Variants in KCNN2 observed in about 807,000 individuals in gnomAD.
KCNN2 encodes potassium calcium-activated channel subfamily N member 2, also known as small conductance calcium-activated potassium channel protein 2.
Under a neutral mutation model 55.5 loss-of-function variants are expected in KCNN2, and 24 were observed. That is an observed-to-expected ratio of 0.43 (90% CI 0.31 to 0.61). The LOEUF is 0.61. Among genes scored for constraint, KCNN2 ranks in the 20% least tolerant of loss-of-function variants. The probability of loss-of-function intolerance (pLI) is 0.08; values close to 1 mark genes in which losing one functional copy is unlikely to be tolerated. For missense variants in KCNN2, 754 were observed against 853.6 expected (o/e 0.88, Z 1.45); for synonymous variants, 431 against 336.1 (o/e 1.28, Z -3.09).
At chr5:114,437,527 C>G (rs1760051371) in intron 3 of KCNN2, among the ~76,000 whole-genome samples, 1 of 152,008 alleles carries the variant, frequency 6.6e-6, no homozygotes, top group African/African-American at 2.4e-5. Context: ...CTGTTTATTC[C>G]TTCAAAACAG....
intron 1 of KCNN2, among the ~76,000 whole-genome samples, chr5:114,153,274 C>A (rs1331844869): frequency 6.6e-6 from 1 of 152,056 alleles, no homozygotes; most frequent in African/African-American, 2.4e-5. Context: ...TTGCACTTGC[C>A]CCTTCAGATG....
intron 1 of KCNN2, among the ~76,000 whole-genome samples, chr5:114,204,884 A>G (rs1210418718): frequency 6.6e-6 from 1 of 152,204 alleles, no homozygotes; most frequent in Non-Finnish European, 1.5e-5. Context: ...CCTTATTAAT[A>G]CAATTTCCAA....
At chr5:114,442,798 A>G (rs966150873) in intron 3 of KCNN2, among the ~76,000 whole-genome samples, 9 of 152,170 alleles carry the variant, frequency 5.9e-5, no homozygotes, top group African/African-American at 1.2e-4. Flanking sequence ...ATTAAGTCTC[A>G]TCGGAACAGG....
chr5:114,447,025 T>C (rs1760438674), intron 3 of KCNN2, among the ~76,000 whole-genome samples: 1 of 152,202 alleles, frequency 6.6e-6, no homozygotes, highest in African/African-American at 2.4e-5. Flanking sequence ...GCCACTGTGT[T>C]GCACAGCACA....
chr5:114,276,059 T>C (rs148646468), intron 2 of KCNN2, among the ~76,000 whole-genome samples: 4,541 of 152,262 alleles, frequency 0.03, 237 homozygotes, highest in African/African-American at 0.1. Context: ...AAAGAACATC[T>C]TTATTTCTGC....
At position 114,450,669 on chromosome 5, in the gene KCNN2, A is replaced by G. The variant is rs547468134; in HGVS notation, c.1638-12380A>G. ...TCCAGATTGTCTGATGGCCATTACT[A>G]GAGTCCCAGCTGCCCTGAAACTCTA... is the stretch of plus-strand genomic sequence containing the variant. On this transcript the variant is annotated intron_variant, in intron 3 of 7. Coordinates refer to ENST00000673685, the MANE Select transcript of KCNN2 (RefSeq NM_021614.4). Among the ~76,000 whole-genome samples, 5 of 152,304 alleles carry G rather than the reference A, an allele frequency of 3.3e-5. No homozygotes were observed. The South Asian group carries it at 1.0e-3, about 32-fold the overall frequency.
At chr5:114,177,839 A>C (rs1373239332) in intron 1 of KCNN2, among the ~76,000 whole-genome samples, 1 of 152,176 alleles carries the variant, frequency 6.6e-6, no homozygotes, top group Non-Finnish European at 1.5e-5. Context: ...GAGGAAAGAC[A>C]AGAAAAGGAA....
intron 1 of KCNN2, among the ~76,000 whole-genome samples, chr5:114,092,392 C>A (rs1751163574): frequency 6.6e-6 from 1 of 152,206 alleles, no homozygotes; most frequent in African/African-American, 2.4e-5. Context: ...CAGTTCCACT[C>A]CCAGCTGCTT....
chr5:114,412,003 G>T (rs1385857502), intron 3 of KCNN2, among the ~76,000 whole-genome samples: 1 of 152,168 alleles, frequency 6.6e-6, no homozygotes, highest in Non-Finnish European at 1.5e-5. Flanking sequence ...ACAAGGATCA[G>T]TTATGTCTTC....
chr5:114,063,964 G>A (rs958706383), intron 1 of KCNN2, among the ~76,000 whole-genome samples: 62 of 152,224 alleles, frequency 4.1e-4, no homozygotes, highest in African/African-American at 1.5e-3. Context: ...GCCAGCTAGA[G>A]CCTTCAGTTT....
chr5:114,447,492 T>G (rs1307063550), intron 3 of KCNN2, among the ~76,000 whole-genome samples: 1 of 152,256 alleles, frequency 6.6e-6, no homozygotes, highest in Non-Finnish European at 1.5e-5. Flanking sequence ...GTGTTTGTTT[T>G]GAAGAGAGAT....
chr5:114,293,990 G>C (rs1025253644), intron 2 of KCNN2, among the ~76,000 whole-genome samples: 2 of 152,172 alleles, frequency 1.3e-5, no homozygotes, highest in African/African-American at 2.4e-5. Context: ...AGAGTTGTTT[G>C]TAGTATTCTC....
intron 2 of KCNN2, among the ~76,000 whole-genome samples, chr5:114,267,973 C>T (rs923776928): frequency 6.6e-5 from 10 of 152,190 alleles, no homozygotes; most frequent in African/African-American, 1.9e-4. Flanking sequence ...ATGTTATGTC[C>T]TTTGCAGGGA....
chr5:114,080,759 T>C (rs373146581), intron 1 of KCNN2, among the ~76,000 whole-genome samples: 1 of 152,188 alleles, frequency 6.6e-6, no homozygotes, highest in East Asian at 1.9e-4. Context: ...AGCTTTTCCC[T>C]TATGATCAGG....
At chr5:114,149,129 C>T (rs1236998976) in intron 1 of KCNN2, among the ~76,000 whole-genome samples, 1 of 152,022 alleles carries the variant, frequency 6.6e-6, no homozygotes, top group South Asian at 2.1e-4. Flanking sequence ...TGGATTCCAC[C>T]CTGTTTAAGA....
At chr5:114,306,326 T>G (rs553951136) in intron 2 of KCNN2, among the ~76,000 whole-genome samples, 1 of 152,312 alleles carries the variant, frequency 6.6e-6, no homozygotes, top group Non-Finnish European at 1.5e-5. Flanking sequence ...ACTTTATAGG[T>G]GCCCACTATC....
At chr5:114,276,998 T>C (rs2150011030) in intron 2 of KCNN2, among the ~76,000 whole-genome samples, 1 of 152,328 alleles carries the variant, frequency 6.6e-6, no homozygotes. Flanking sequence ...CCATGTTTAG[T>C]GCTTCCTTCA....
At chr5:114,142,302 T>C (rs532148359) in intron 1 of KCNN2, among the ~76,000 whole-genome samples, 2 of 152,278 alleles carry the variant, frequency 1.3e-5, no homozygotes, top group Admixed American at 1.3e-4. Context: ...TTGAATTAAT[T>C]TTTGTATAAG....
chr5:114,422,131 A>G (rs1212610874), intron 3 of KCNN2, among the ~76,000 whole-genome samples: 1 of 152,248 alleles, frequency 6.6e-6, no homozygotes, highest in African/African-American at 2.4e-5. Flanking sequence ...TGAGTTAATC[A>G]GAAAGCGAAC....
Sources: gnomAD v4.1 joint callset for allele counts (sites outside exome capture counted in the v4.1 genomes callset) on GRCh38, gnomAD v4.1.1 for gene constraint, MANE v1.5 for transcripts, NCBI Gene and HGNC (gene_info 2026-07-23, HGNC 2026-07-21) for gene names.